ACTN1: variants seen among roughly 807,000 people sequenced by gnomAD.
The protein encoded by ACTN1 is alpha-actinin-1.
Under a neutral mutation model 119.6 loss-of-function variants are expected in ACTN1, and 30 were observed. The observed-to-expected ratio is 0.25, with a 90% CI of 0.19 to 0.34. The LOEUF is 0.34. Among genes scored for constraint, ACTN1 ranks in the 10% least tolerant of loss-of-function variants. The pLI is 1.00. For missense variants in ACTN1, 764 were observed against 1,223.4 expected (o/e 0.62, Z 5.60); for synonymous variants, 429 against 472.6 (o/e 0.91, Z 1.20).
intron 6 of ACTN1, among the ~76,000 whole-genome samples, chr14:68,905,994 A>C (rs935860101): frequency 2.0e-5 from 3 of 151,866 alleles, no homozygotes; most frequent in Non-Finnish European, 4.4e-5. Flanking sequence ...AAAAAAAAAA[A>C]AAAAACAGCA....
chr14:68,930,453 C>T (rs889033169), intron 1 of ACTN1, among the ~76,000 whole-genome samples: 9 of 152,152 alleles, frequency 5.9e-5, no homozygotes, highest in Admixed American at 6.5e-5. Flanking sequence ...AGCTGGGGTA[C>T]AGAAGATTAC....
rs573722452 is a variant in ACTN1 at position 68,929,935 on chromosome 14, C to A, written c.106-4263G>T. Among the ~76,000 whole-genome samples, 4 of 152,358 alleles carry A rather than the reference C, an allele frequency of 2.6e-5. No individual in the cohort carries two copies. The East Asian group carries it at 7.7e-4, about 29-fold the overall frequency. ...AAAGAGGGACCTGGCCAGGCGCCAA[C>A]AGAGGGGCCCCAGCCCAGGCTAGGA... On this transcript the variant is annotated intron_variant, in intron 1 of 21. Transcript: ENST00000394419.
intron 1 of ACTN1, among the ~76,000 whole-genome samples, chr14:68,957,322 C>T (rs1053518825): frequency 6.6e-6 from 1 of 152,186 alleles, no homozygotes; most frequent in African/African-American, 2.4e-5. Flanking sequence ...CACCTGTGAC[C>T]TCCAGCTGTG....
chr14:68,918,499 T>A (rs78711581), intron 3 of ACTN1, among the ~76,000 whole-genome samples: 1 of 56,644 alleles, frequency 1.8e-5, no homozygotes, highest in Non-Finnish European at 3.4e-5. Context: ...GGCAGGAGAA[T>A]GGCGTCAAAC....
intron 3 of ACTN1, among the ~76,000 whole-genome samples, chr14:68,914,566 G>C (rs1260469789): frequency 6.6e-6 from 1 of 152,148 alleles, no homozygotes; most frequent in East Asian, 1.9e-4. Flanking sequence ...AGGAGTTCAA[G>C]ACCAGCCGGG....
chr14:68,945,178 G>A (rs7140567), intron 1 of ACTN1, among the ~76,000 whole-genome samples: 3,158 of 113,502 alleles, frequency 0.028, 120 homozygotes, highest in African/African-American at 0.1. Flanking sequence ...AAAAAAAAAA[G>A]AAAGAAAGAA....
chr14:68,941,032 A>C (rs1055372165), intron 1 of ACTN1, among the ~76,000 whole-genome samples: 29 of 152,178 alleles, frequency 1.9e-4, no homozygotes, highest in African/African-American at 6.3e-4. Context: ...CCAGGCTGTC[A>C]GCTGGAGCAT....
At chr14:68,915,741 C>A (rs550197482) in intron 3 of ACTN1, among the ~76,000 whole-genome samples, 1 of 152,210 alleles carries the variant, frequency 6.6e-6, no homozygotes, top group African/African-American at 2.4e-5. Context: ...TGAGGCCAGA[C>A]GCAGTGGCTC....
At chr14:68,944,136 G>A (rs1263787111) in intron 1 of ACTN1, among the ~76,000 whole-genome samples, 1 of 152,222 alleles carries the variant, frequency 6.6e-6, no homozygotes, top group Non-Finnish European at 1.5e-5. Context: ...CTGGCCCCCT[G>A]GGGATGCAGA....
At chr14:68,894,825 T>C (rs889487018) in intron 8 of ACTN1, among the ~76,000 whole-genome samples, 1 of 152,026 alleles carries the variant, frequency 6.6e-6, no homozygotes, top group African/African-American at 2.4e-5. Context: ...TCACAACTGG[T>C]TGATGAACAA....
At position 68,884,261 on chromosome 14, in the gene ACTN1, A is replaced by T; in HGVS notation, c.1542T>A (p.Tyr514Ter). The stretch of plus-strand genomic sequence containing the variant: ...TGTTGAAGGGTGCAGCCCGCTTGGC[A>T]TACTCCAAGTACAGCTGGTCAATGG... Reference protein sequence around the residue: ...LETIDQLYLEYAKRAAPFNNW... With the variant: ...LETIDQLYLE The change falls in exon 14 of 22, where the codon TAT becomes TAA. Residue 514 changes from tyrosine to a stop codon, truncating the protein, a stop_gained. Coordinates refer to ENST00000394419, the MANE Select transcript of ACTN1 (RefSeq NM_001130004.2). LOFTEE classifies it high-confidence loss of function. The T allele has an allele frequency of 6.2e-7, 1 of 1,614,032 alleles. No homozygotes were observed. Among genetic ancestry groups the T allele is most frequent in the Non-Finnish European group, 8.5e-7 (1 of 1,179,968 alleles).
At chr14:68,921,955 C>G (rs189867421) in intron 2 of ACTN1, among the ~76,000 whole-genome samples, 4 of 152,296 alleles carry the variant, frequency 2.6e-5, no homozygotes, top group African/African-American at 9.6e-5. Flanking sequence ...GGAGCTGGCT[C>G]TCCAAATACC....
chr14:68,883,186 G>T, intron 14 of ACTN1, 131 bp from the exon 15 acceptor site: 2 of 989,420 alleles, frequency 2.0e-6, no homozygotes, highest in Non-Finnish European at 3.0e-6. Flanking sequence ...TCTTGTGGCT[G>T]AGAACCAGGA....
At position 68,874,740 on chromosome 14, in the gene ACTN1, G is replaced by A; in HGVS notation, c.*119C>T. On this transcript the variant is annotated 3_prime_UTR_variant, in exon 22 of 22. Transcript: ENST00000394419. ...GGCAGGGAGGATCGATGCCACGTGG[G>A]CCCCAGCTCACCCGGGTGGAGGCTG... The A allele has an allele frequency of 9.5e-7, 1 of 1,048,266 alleles. No homozygotes were observed. The highest frequency in any genetic ancestry group is 1.3e-6 in the Non-Finnish European group (1 of 776,026). The allele number at this position is 1,048,266 out of a possible 1,614,324, so 64.9% of individuals were successfully genotyped here. A position where few individuals can be genotyped will look rare whatever the true frequency, so the allele number is the denominator to read the frequency against.
At chr14:68,955,096 A>C (rs933797835) in intron 1 of ACTN1, among the ~76,000 whole-genome samples, 2 of 152,108 alleles carry the variant, frequency 1.3e-5, no homozygotes, top group African/African-American at 2.4e-5. Context: ...TCTATTTCTG[A>C]GCTTCCTGGT....
rs58500225 is a variant in ACTN1, at chr14:68,881,955, T to TTTTTTTTTTTTTTTTTTTTTTTTTTGA, written c.1953+502_1953+503insTCAAAAAAAAAAAAAAAAAAAAAAAAA. On this transcript the variant is annotated intron_variant, in intron 16 of 21. Transcript: ENST00000394419. ...CAGCTTCTTTTTTTTTTTTTTTTTTTGACAGAGTCTTGCTCTGTTGCCCAA... is the reference window on the plus strand; with the variant it reads ...CAGCTTCTTTTTTTTTTTTTTTTTTTTTTTTTTTTTTTTTTTTTTTTTTTTGAGACAGAGTCTTGCTCTGTTGCCCAA... Among the ~76,000 whole-genome samples the TTTTTTTTTTTTTTTTTTTTTTTTTTGA allele has an allele frequency of 5.7e-4, 59 of 102,964 alleles. 7 individuals carry two copies. Among genetic ancestry groups the TTTTTTTTTTTTTTTTTTTTTTTTTTGA allele is most frequent in the South Asian group, 1.6e-3 (5 of 3,146 alleles). 67.5% of individuals were successfully genotyped at this position (102,964 alleles called of 152,430 possible). A position where few individuals can be genotyped will look rare whatever the true frequency, so the allele number is the denominator to read the frequency against.
At chr14:68,926,553 G>T (rs1377737920) in intron 1 of ACTN1, among the ~76,000 whole-genome samples, 2 of 152,236 alleles carry the variant, frequency 1.3e-5, no homozygotes, top group Non-Finnish European at 1.5e-5. Flanking sequence ...CCTTGCTTTA[G>T]ATCTAAACCA....
chr14:68,955,474 G>A (rs1441590381), intron 1 of ACTN1, among the ~76,000 whole-genome samples: 1 of 152,184 alleles, frequency 6.6e-6, no homozygotes, highest in South Asian at 2.1e-4. Flanking sequence ...TCAGAATTTG[G>A]CTCAACTGAG....
chr14:68,966,270 G>C (rs1336631288), intron 1 of ACTN1, among the ~76,000 whole-genome samples: 1 of 152,148 alleles, frequency 6.6e-6, no homozygotes, highest in African/African-American at 2.4e-5. Flanking sequence ...GCTTAACTCT[G>C]CTGAGTGTCC....
Sources: allele counts gnomAD v4.1 joint callset (sites outside exome capture counted in the v4.1 genomes callset), GRCh38; gene constraint gnomAD v4.1.1; transcripts MANE v1.5; gene names NCBI Gene and HGNC (gene_info 2026-07-23, HGNC 2026-07-21).